INSL6: variants seen among roughly 807,000 people sequenced by gnomAD.
INSL6 encodes insulin-like peptide INSL6.
In INSL6, 16 loss-of-function variants were observed where a neutral mutation model predicts 9.4. The observed-to-expected ratio is 1.70, with a 90% confidence interval of 1.15 to 2.59. The LOEUF (loss-of-function observed/expected upper bound fraction) is 2.59, where lower values mean the gene tolerates loss of function less well. Among genes scored for constraint, INSL6 ranks in the 30% most tolerant of loss-of-function variants. The pLI, the probability that INSL6 is intolerant of heterozygous loss-of-function variation, is 0.00. For synonymous variants in INSL6, 154 were observed against 96.9 expected, an observed-to-expected ratio of 1.59 and a Z score of -3.46; for missense variants, 391 against 257.3, an observed-to-expected ratio of 1.52 and a Z score of -3.56.
the INSL6 span, among the ~76,000 whole-genome samples, chr9:4,995,516 C>G: frequency 6.6e-6 from 1 of 152,198 alleles, no homozygotes; most frequent in Non-Finnish European, 1.5e-5. Flanking sequence ...GATAATCCTT[C>G]TTTTCTCTGC....
At chr9:5,129,894 T>C (rs1232796126) in intron 3 of INSL6, among the ~76,000 whole-genome samples, 1 of 152,154 alleles carries the variant, frequency 6.6e-6, no homozygotes, top group East Asian at 1.9e-4. Flanking sequence ...AATATTTACT[T>C]TTATAATCTT....
At chr9:5,120,867 A>T (rs935534832), downstream of INSL6, among the ~76,000 whole-genome samples, 3 of 152,232 alleles carry the variant, frequency 2.0e-5, no homozygotes, top group African/African-American at 7.2e-5. Context: ...TATTTATTGC[A>T]TAAGAAACAA....
At chr9:5,039,498 G>A in the INSL6 span, among the ~76,000 whole-genome samples, 1 of 152,046 alleles carries the variant, frequency 6.6e-6, no homozygotes, top group South Asian at 2.1e-4. Flanking sequence ...GCAGATTTTG[G>A]TATGTGTGGG....
At chr9:5,150,846 GACACACAC>G (rs59479266) in intron 2 of INSL6, among the ~76,000 whole-genome samples, 26,705 of 146,304 alleles carry the variant, frequency 0.18, 2,675 homozygotes, top group South Asian at 0.28. Context: ...GGATAAAGGA[GACACACAC>G]ACACACACAC....
chr9:5,093,596 C>G, the INSL6 span, among the ~76,000 whole-genome samples: 1 of 152,266 alleles, frequency 6.6e-6, no homozygotes, highest in Admixed American at 6.5e-5. Context: ...AACCTACTAT[C>G]TCTGCATTAA....
the INSL6 span, among the ~76,000 whole-genome samples, chr9:5,021,072 A>C: frequency 3.9e-5 from 6 of 152,074 alleles, no homozygotes; most frequent in Non-Finnish European, 7.4e-5. Context: ...AGGAGTTTGC[A>C]GTGAAAATGT....
intron 3 of INSL6, among the ~76,000 whole-genome samples, chr9:5,131,011 G>A (rs901044724): frequency 2.6e-5 from 4 of 152,104 alleles, no homozygotes; most frequent in Non-Finnish European, 4.4e-5. Context: ...TTACAGGCGT[G>A]AGCCACCGCG....
At chr9:5,014,204 A>G in the INSL6 span, among the ~76,000 whole-genome samples, 2 of 118,150 alleles carry the variant, frequency 1.7e-5, no homozygotes, top group Non-Finnish European at 1.7e-5. Flanking sequence ...GGTTCTCACT[A>G]TGTTGCCCAG....
At chr9:5,177,136 G>T (rs1825327010) in intron 1 of INSL6, among the ~76,000 whole-genome samples, 1 of 152,164 alleles carries the variant, frequency 6.6e-6, no homozygotes, top group African/African-American at 2.4e-5. Flanking sequence ...GGCGCTCAGG[G>T]AGAGGAATAA....
chr9:5,020,294 C>T, the INSL6 span, among the ~76,000 whole-genome samples: 1 of 152,172 alleles, frequency 6.6e-6, no homozygotes, highest in Admixed American at 6.5e-5. Flanking sequence ...GTGGAATGCT[C>T]AGTTGACACT....
the INSL6 span, among the ~76,000 whole-genome samples, chr9:5,029,542 C>A: frequency 9.5e-4 from 144 of 151,852 alleles, no homozygotes; most frequent in Admixed American, 1.8e-3. Context: ...AAGAAAAAAA[C>A]CCCACAATAT....
chr9:5,011,522 G>A, the INSL6 span, among the ~76,000 whole-genome samples: 2 of 152,028 alleles, frequency 1.3e-5, no homozygotes, highest in Non-Finnish European at 2.9e-5. Context: ...TTTACATATG[G>A]CTTCTTTATC....
the INSL6 span, among the ~76,000 whole-genome samples, chr9:5,040,643 T>A: frequency 1.3e-4 from 20 of 152,316 alleles, no homozygotes; most frequent in African/African-American, 4.8e-4. Context: ...ATTTAAAAAG[T>A]AGGCAAGGGA....
At chr9:5,149,965 C>G (rs149120683) in intron 2 of INSL6, among the ~76,000 whole-genome samples, 113 of 152,242 alleles carry the variant, frequency 7.4e-4, no homozygotes, top group African/African-American at 2.6e-3. Flanking sequence ...CAACTGATCT[C>G]TAACAACGTT....
At chr9:5,119,925 A>G (rs1187911687), downstream of INSL6, among the ~76,000 whole-genome samples, 1 of 152,224 alleles carries the variant, frequency 6.6e-6, no homozygotes, top group Non-Finnish European at 1.5e-5. Context: ...TTATGTAAAT[A>G]TTTTAGAATA....
chr9:5,101,819 A>C, the INSL6 span, among the ~76,000 whole-genome samples: 3 of 152,344 alleles, frequency 2.0e-5, no homozygotes, highest in African/African-American at 7.2e-5. Flanking sequence ...CCTGACTGTT[A>C]GAAAGAAAAC....
chr9:5,080,724 T>C, the INSL6 span: 3 of 1,429,456 alleles, frequency 2.1e-6, no homozygotes, highest in East Asian at 2.4e-5. Context: ...CAGCTTTCTA[T>C]CTTTATTGTA....
chr9:5,141,067 T>C (rs1382002726), intron 2 of INSL6, among the ~76,000 whole-genome samples: 2 of 152,198 alleles, frequency 1.3e-5, no homozygotes, highest in South Asian at 2.1e-4. Context: ...TGCATAGTAC[T>C]CCATGGTGTA....
At chr9:5,151,292 A>T (rs1399985654) in intron 2 of INSL6, among the ~76,000 whole-genome samples, 1 of 152,220 alleles carries the variant, frequency 6.6e-6, no homozygotes, top group Non-Finnish European at 1.5e-5. Context: ...GAAAAGCATG[A>T]AAAAGACACT....
Sources: gnomAD v4.1 joint callset for allele counts (sites outside exome capture counted in the v4.1 genomes callset) on GRCh38, gnomAD v4.1.1 for gene constraint, MANE v1.5 for transcripts, NCBI Gene and HGNC (gene_info 2026-07-23, HGNC 2026-07-21) for gene names.